Variants in CRPPA observed in about 807,000 individuals in gnomAD.
CRPPA encodes D-ribitol-5-phosphate cytidylyltransferase.
Under a neutral mutation model 52.0 loss-of-function variants are expected in CRPPA, and 43 were observed. That is an observed-to-expected ratio of 0.83 (90% CI 0.65 to 1.07). The LOEUF is 1.07. Ranked by LOEUF, CRPPA falls within the 50% of genes least tolerant of loss-of-function variation. The probability of loss-of-function intolerance (pLI) is 0.00; values close to 1 mark genes in which losing one functional copy is unlikely to be tolerated. For missense variants in CRPPA, 629 were observed against 551.7 expected (o/e 1.14, Z -1.40); for synonymous variants, 250 against 203.5 (o/e 1.23, Z -1.94).
intron 9 of CRPPA, among the ~76,000 whole-genome samples, chr7:16,172,216 A>G (rs1272629600): frequency 2.0e-5 from 3 of 152,176 alleles, no homozygotes; most frequent in Non-Finnish European, 4.4e-5. Flanking sequence ...CCATCATACA[A>G]GAAGACTGAG....
rs773921154 is a variant in CRPPA, at chr7:16,274,032, C to CTGTTTT, written c.933+4091_933+4096dup. Among the ~76,000 whole-genome samples, 577 of 152,216 alleles carry CTGTTTT rather than the reference C, an allele frequency of 3.8e-3. 3 individuals carry two copies. Among genetic ancestry groups the CTGTTTT allele is most frequent in the Admixed American group, 5.4e-3 (83 of 15,288 alleles). ...TGACACTCCATAATCAGTGTTGTGG[C>CTGTTTT]TGTTTTTGTTTTTGTTTTTGTTTTG... On this transcript the variant is annotated intron_variant, in intron 6 of 9. Coordinates refer to ENST00000407010, the MANE Select transcript of CRPPA (RefSeq NM_001101426.4).
chr7:16,415,484 G>A lies in CRPPA; in HGVS notation c.257+5582C>T, dbSNP rs1443184573. Among the ~76,000 whole-genome samples, 3 of 152,244 alleles carry A rather than the reference G, an allele frequency of 2.0e-5. No homozygotes were observed. In the South Asian group the frequency reaches 6.2e-4, roughly 32 times the overall value. On this transcript the variant is annotated intron_variant, in intron 1 of 9. Transcript: ENST00000407010. ...GCCTCAGTATCTGTTAAAGATCTGG[G>A]AATTTTACTCTTCCTTTTGAAGGAT... is the stretch of plus-strand genomic sequence containing the variant.
chr7:16,358,168 G>C (rs1016813903), intron 3 of CRPPA, among the ~76,000 whole-genome samples: 3 of 151,062 alleles, frequency 2.0e-5, no homozygotes, highest in Non-Finnish European at 4.4e-5. Context: ...AAACCTGCTA[G>C]AGAGTAAACA....
intron 3 of CRPPA, among the ~76,000 whole-genome samples, chr7:16,373,520 G>C (rs1052908760): frequency 6.6e-6 from 1 of 152,182 alleles, no homozygotes; most frequent in Non-Finnish European, 1.5e-5. Context: ...CCTAGCAGAG[G>C]AGTTTGACAT....
intron 7 of CRPPA, 80 bp downstream of exon 7, chr7:16,258,840 T>C (rs1783716969): frequency 1.2e-6 from 1 of 811,754 alleles, no homozygotes. Context: ...ATATCATATA[T>C]AAATATTTAA....
intron 9 of CRPPA, among the ~76,000 whole-genome samples, chr7:16,200,352 A>C (rs1781823141): frequency 6.6e-6 from 1 of 152,242 alleles, no homozygotes; most frequent in Non-Finnish European, 1.5e-5. Flanking sequence ...TGGAAATGTT[A>C]GACTACAAAC....
At chr7:16,324,360 T>C (rs1472325083) in intron 3 of CRPPA, among the ~76,000 whole-genome samples, 1 of 152,192 alleles carries the variant, frequency 6.6e-6, no homozygotes, top group East Asian at 1.9e-4. Context: ...CATCAAGAAG[T>C]TGAGATCATT....
chr7:16,396,545 C>A (rs999395702), intron 2 of CRPPA, among the ~76,000 whole-genome samples: 1 of 152,194 alleles, frequency 6.6e-6, no homozygotes, highest in Non-Finnish European at 1.5e-5. Context: ...AGTAGAACTA[C>A]CATTTGATCC....
intron 9 of CRPPA, among the ~76,000 whole-genome samples, chr7:16,195,867 G>T (rs552285509): frequency 6.6e-6 from 1 of 152,162 alleles, no homozygotes; most frequent in East Asian, 1.9e-4. Context: ...AACCAGGCCA[G>T]ATTCCTTTGT....
intron 9 of CRPPA, among the ~76,000 whole-genome samples, chr7:16,114,043 T>C (rs1782318802): frequency 6.6e-6 from 1 of 152,006 alleles, no homozygotes; most frequent in Admixed American, 6.6e-5. Context: ...AGGTAACTGA[T>C]CAAACTTGAA....
At chr7:16,226,488 A>G (rs887164257) in intron 8 of CRPPA, among the ~76,000 whole-genome samples, 3 of 151,868 alleles carry the variant, frequency 2.0e-5, no homozygotes, top group Non-Finnish European at 4.4e-5. Flanking sequence ...GACCCAATTC[A>G]ATGGTCGGCC....
chr7:16,258,950 T>C lies in CRPPA; in HGVS notation c.996A>G (p.Leu332=), dbSNP rs753009162. The C allele has an allele frequency of 3.7e-6, 6 of 1,611,226 alleles. No homozygotes were observed. The highest frequency in any genetic ancestry group is 5.1e-6 in the Non-Finnish European group (6 of 1,178,346). Residue 332 remains leucine, a synonymous_variant, in exon 7 of 10, where the codon TTA becomes TTG. Coordinates refer to ENST00000407010, the MANE Select transcript of CRPPA (RefSeq NM_001101426.4). ...HAGRHLQQII[L]DQCYNFVCVN... ...CACAAACAAAATTGTAGCATTGATC[T>C]AAGATGATTTGCTGAAGATGTCTGC...
At chr7:16,399,778 A>T (rs1787749484) in intron 2 of CRPPA, among the ~76,000 whole-genome samples, 1 of 152,166 alleles carries the variant, frequency 6.6e-6, no homozygotes, top group Admixed American at 6.5e-5. Flanking sequence ...AGTGGCTGAC[A>T]TGCTTGGCAC....
At chr7:16,224,214 G>C (rs1782592662) in intron 8 of CRPPA, among the ~76,000 whole-genome samples, 1 of 152,052 alleles carries the variant, frequency 6.6e-6, no homozygotes, top group African/African-American at 2.4e-5. Flanking sequence ...CAAGCTTTAT[G>C]TTTGTCTAGA....
At chr7:16,299,893 C>T (rs1469483724) in intron 5 of CRPPA, among the ~76,000 whole-genome samples, 2 of 152,082 alleles carry the variant, frequency 1.3e-5, no homozygotes, top group Admixed American at 6.5e-5. Flanking sequence ...CAATTATATT[C>T]CTCAGTCGAA....
intron 9 of CRPPA, among the ~76,000 whole-genome samples, chr7:16,095,879 C>G (rs1250057958): frequency 6.6e-6 from 1 of 152,052 alleles, no homozygotes; most frequent in African/African-American, 2.4e-5. Flanking sequence ...TGTGCATGCC[C>G]AAGGAGAAAC....
chr7:16,283,190 T>C (rs2128418793), intron 5 of CRPPA, among the ~76,000 whole-genome samples: 1 of 151,476 alleles, frequency 6.6e-6, no homozygotes, highest in South Asian at 2.1e-4. Flanking sequence ...TATGGTTTCA[T>C]ATATATGATA....
intron 3 of CRPPA, among the ~76,000 whole-genome samples, chr7:16,333,913 C>T (rs557167453): frequency 2.0e-5 from 3 of 152,130 alleles, no homozygotes; most frequent in Non-Finnish European, 4.4e-5. Context: ...TCCCTGGGCA[C>T]GATGGTTTCT....
At chr7:16,172,409 T>C (rs1781208415) in intron 9 of CRPPA, among the ~76,000 whole-genome samples, 2 of 152,092 alleles carry the variant, frequency 1.3e-5, no homozygotes, top group African/African-American at 4.8e-5. Flanking sequence ...AGAGGGCCCG[T>C]GTGTCCTGCA....
Sources: allele counts gnomAD v4.1 joint callset (sites outside exome capture counted in the v4.1 genomes callset), GRCh38; gene constraint gnomAD v4.1.1; transcripts MANE v1.5; gene names NCBI Gene and HGNC (gene_info 2026-07-23, HGNC 2026-07-21).